The following GPC6 variants were observed in gnomAD, a reference collection of about 807,000 sequenced individuals.
The protein encoded by GPC6 is glypican-6.
GPC6 carries 14 observed loss-of-function variants against 55.2 expected under a neutral mutation model. That is an observed-to-expected ratio of 0.25 (90% CI 0.17 to 0.40). GPC6 has a LOEUF of 0.40. Among genes scored for constraint, GPC6 ranks in the 10% least tolerant of loss-of-function variants. The pLI is 1.00. For synonymous variants in GPC6, 278 were observed against 259.6 expected (o/e 1.07, Z -0.68); for missense variants, 641 against 708.5 (o/e 0.90, Z 1.08).
intron 3 of GPC6, among the ~76,000 whole-genome samples, chr13:93,911,316 G>C (rs1006910408): frequency 2.6e-5 from 4 of 152,092 alleles, no homozygotes; most frequent in Non-Finnish European, 5.9e-5. Flanking sequence ...TAAGAAAATG[G>C]AAGGACTGAC....
chr13:93,229,447 A>G (rs17645998), intron 1 of GPC6, among the ~76,000 whole-genome samples: 21,727 of 152,174 alleles, frequency 0.14, 1,974 homozygotes, highest in Middle Eastern at 0.24. Context: ...TTGCTTCGGT[A>G]TTCTTTAGAG....
At chr13:93,499,708 C>A (rs1375410201) in intron 1 of GPC6, among the ~76,000 whole-genome samples, 3 of 152,162 alleles carry the variant, frequency 2.0e-5, no homozygotes, top group Non-Finnish European at 4.4e-5. Flanking sequence ...CTGGCACTTC[C>A]TTGCAAACTG....
chr13:93,982,510 A>G (rs915705378), intron 3 of GPC6, among the ~76,000 whole-genome samples: 2 of 152,184 alleles, frequency 1.3e-5, no homozygotes, highest in Admixed American at 6.6e-5. Context: ...CCGACCCTAC[A>G]TTATTTAATT....
chr13:94,317,408 G>GT (rs1342830970), intron 6 of GPC6, among the ~76,000 whole-genome samples: 2 of 152,088 alleles, frequency 1.3e-5, no homozygotes, highest in African/African-American at 4.8e-5. Flanking sequence ...GAACAAAAGG[G>GT]TAAACACAAA....
chr13:93,655,283 A>G (rs1295645352), intron 2 of GPC6, among the ~76,000 whole-genome samples: 5 of 152,144 alleles, frequency 3.3e-5, no homozygotes, highest in African/African-American at 1.2e-4. Context: ...ACCCTTGGCC[A>G]CAGTTAGATG....
chr13:93,313,955 T>A (rs1183864337), intron 1 of GPC6, among the ~76,000 whole-genome samples: 1 of 152,184 alleles, frequency 6.6e-6, no homozygotes, highest in African/African-American at 2.4e-5. Flanking sequence ...ATATGTTTTC[T>A]AATGAATGCC....
At chr13:93,847,818 C>T (rs1888245777) in intron 3 of GPC6, among the ~76,000 whole-genome samples, 1 of 152,128 alleles carries the variant, frequency 6.6e-6, no homozygotes, top group Non-Finnish European at 1.5e-5. Flanking sequence ...GTCAGATCAA[C>T]CTGGCAGAAG....
chr13:93,998,764 ATG>A (rs1566641198), intron 3 of GPC6, among the ~76,000 whole-genome samples: 1 of 151,792 alleles, frequency 6.6e-6, no homozygotes, highest in Non-Finnish European at 1.5e-5. Flanking sequence ...TGAAATATAT[ATG>A]TGTGTATATA....
chr13:94,259,487 T>A (rs1220909615), intron 4 of GPC6, among the ~76,000 whole-genome samples: 1 of 152,230 alleles, frequency 6.6e-6, no homozygotes, highest in Non-Finnish European at 1.5e-5. Flanking sequence ...TATCTTTTTT[T>A]AAAAGCTAGC....
At chr13:93,706,340 A>G (rs1241515051) in intron 2 of GPC6, among the ~76,000 whole-genome samples, 1 of 151,938 alleles carries the variant, frequency 6.6e-6, no homozygotes, top group Non-Finnish European at 1.5e-5. Context: ...TTAACCAGTT[A>G]TACCCAATCA....
intron 1 of GPC6, among the ~76,000 whole-genome samples, chr13:93,311,674 G>T (rs765839546): frequency 6.6e-5 from 10 of 152,108 alleles, no homozygotes; most frequent in Admixed American, 1.3e-4. Flanking sequence ...TAGATTCTTT[G>T]TAAACAAATA....
At chr13:93,315,632 T>C (rs1205090734) in intron 1 of GPC6, among the ~76,000 whole-genome samples, 1 of 152,004 alleles carries the variant, frequency 6.6e-6, no homozygotes, top group African/African-American at 2.4e-5. Flanking sequence ...TTTTACATTA[T>C]TTCACTAAGA....
chr13:93,393,212 C>T (rs1296209510), intron 1 of GPC6, among the ~76,000 whole-genome samples: 1 of 150,956 alleles, frequency 6.6e-6, no homozygotes, highest in Non-Finnish European at 1.5e-5. Flanking sequence ...GATCTTGGCT[C>T]ACTGCAACCT....
intron 2 of GPC6, among the ~76,000 whole-genome samples, chr13:93,734,418 T>G (rs1416039960): frequency 6.6e-6 from 1 of 152,178 alleles, no homozygotes; most frequent in Non-Finnish European, 1.5e-5. Flanking sequence ...ACAGATTGAC[T>G]TGTTCTCCAA....
chr13:94,253,057 G>A (rs754527338), intron 4 of GPC6, among the ~76,000 whole-genome samples: 23 of 152,038 alleles, frequency 1.5e-4, no homozygotes, highest in Admixed American at 3.9e-4. Flanking sequence ...GGAATTCAGC[G>A]ATTCTTTCTG....
intron 1 of GPC6, among the ~76,000 whole-genome samples, chr13:93,267,947 T>A (rs773218430): frequency 6.6e-6 from 1 of 152,222 alleles, no homozygotes; most frequent in African/African-American, 2.4e-5. Flanking sequence ...TTGCTGAGCA[T>A]GTTTTCCATA....
Position 93,507,829 on chromosome 13 carries a change from C to T in GPC6, c.161-37434C>T, listed in dbSNP as rs183014374. Among the ~76,000 whole-genome samples, 348 of 151,916 alleles carry T rather than the reference C, an allele frequency of 2.3e-3. 1 individual carries two copies. Among genetic ancestry groups the T allele is most frequent in the Non-Finnish European group, 4.1e-3 (281 of 67,958 alleles). The stretch of plus-strand genomic sequence containing the variant: ...TATGAATGTTTTTCTGTTTAATAAA[C>T]ACATTGATTAGCTTGTCTCTACCAA... On this transcript the variant is annotated intron_variant, in intron 1 of 8. Coordinates refer to ENST00000377047, the MANE Select transcript of GPC6 (RefSeq NM_005708.5).
chr13:93,753,101 G>A (rs1884653723), intron 2 of GPC6, among the ~76,000 whole-genome samples: 1 of 152,184 alleles, frequency 6.6e-6, no homozygotes, highest in African/African-American at 2.4e-5. Flanking sequence ...AGGCTTTGGT[G>A]ATGACATATT....
In GPC6 at chr13:93,275,288, A is replaced by G. The variant is rs577257564; in HGVS notation, c.160+47672A>G. On this transcript the variant is annotated intron_variant, in intron 1 of 8. Coordinates refer to ENST00000377047, the MANE Select transcript of GPC6 (RefSeq NM_005708.5). The stretch of plus-strand genomic sequence containing the variant: ...GGTACATGAAATGGCTTTTTCTGTC[A>G]TTGATCCTAGTACGTGCACATGTGC... Among the ~76,000 whole-genome samples the G allele has an allele frequency of 1.8e-3, 278 of 152,290 alleles. 2 individuals are homozygous for G. Among genetic ancestry groups the G allele is most frequent in the Admixed American group, 3.5e-3 (53 of 15,292 alleles).
Sources: allele counts gnomAD v4.1 joint callset (sites outside exome capture counted in the v4.1 genomes callset), GRCh38; gene constraint gnomAD v4.1.1; transcripts MANE v1.5; gene names NCBI Gene and HGNC (gene_info 2026-07-23, HGNC 2026-07-21).